Variants in OR5M3 observed in about 807,000 individuals in gnomAD.
The protein encoded by OR5M3 is olfactory receptor family 5 subfamily M member 3.
For missense variants in OR5M3, 384 were observed against 378.6 expected (o/e 1.01, Z -0.12); for synonymous variants, 129 against 131.3 (o/e 0.98, Z 0.12).
Position 56,469,310 on chromosome 11 carries a change from C to CA in OR5M3, c.*263_*264insT, listed in dbSNP as rs1853637433. 3.6e-6 allele frequency: 1 copy of CA among 275,996 alleles called. No homozygotes were observed. 17.1% of individuals were successfully genotyped at this position (275,996 alleles called of 1,614,324 possible). On this transcript the variant is annotated 3_prime_UTR_variant, in exon 2 of 2. Transcript: ENST00000641993. ...ATAAGAAAACGTCTTTTGGTTGCAG[C>CA]TATTTGAGCAATTTCCCTTAGTACA...
rs146798127 is a variant in OR5M3 at position 56,469,889 on chromosome 11, A to G, written c.609T>C (p.Ile203=). The G allele has an allele frequency of 2.6e-4, 411 of 1,606,738 alleles. 2 individuals carry two copies. The highest frequency in any genetic ancestry group is 1.4e-3 in the East Asian group (64 of 44,866). ...TTACAGTCAGGGAATATGTGAAGTT[A>G]ATGCCGGCAAGTATGATCATTGTAT... The part of the protein sequence containing the change: ...KEYTMIILAG[I]NFTYSLTVII... The change falls in exon 2 of 2, where the codon ATT becomes ATC. Residue 203 remains isoleucine (I), a synonymous_variant. Coordinates refer to ENST00000641993, the MANE Select transcript of OR5M3 (RefSeq NM_001004742.3).
Position 56,469,744 on chromosome 11 carries a change from T to A in OR5M3, c.754A>T (p.Thr252Ser), listed in dbSNP as rs761306810. The A allele has an allele frequency of 3.7e-6, 6 of 1,612,890 alleles. No homozygotes were observed. The South Asian group carries it at 6.6e-5, about 18-fold the overall frequency. ...CGTCTGAGATACATGAAGATCAGAG[T>A]ACCATAGAATATAATGACAGCTGTC... ...HLTAVIIFYG[T>S]LIFMYLRRPT... is the part of the protein sequence containing the mutation. The change falls in exon 2 of 2, where the codon ACT becomes TCT. Residue 252 changes from threonine to serine, a missense_variant. By Grantham distance (58) the Thr-to-Ser change is moderately conservative (BLOSUM62 1). Transcript: ENST00000641993.
chr11:56,472,351 G>T (rs756217975), intron 1 of OR5M3, among the ~76,000 whole-genome samples: 1 of 151,964 alleles, frequency 6.6e-6, no homozygotes, highest in Non-Finnish European at 1.5e-5. Flanking sequence ...ATATCCAAAC[G>T]GAGATTACAG....
rs1275227066 is a variant in OR5M3 at position 56,470,008 on chromosome 11, A to G, written c.490T>C (p.Leu164=). Residue 164 remains leucine, a synonymous_variant, in exon 2 of 2, where the codon TTG becomes CTG. Transcript: ENST00000641993. ...ATCTCAATTTTTCCACAGAAGTACA[A>G]GCCGTAAGTCCATAATGTTGCTGCC... is the stretch of plus-strand genomic sequence containing the variant. ...SLAATLWTYG[L]YFCGKIEINH... is the part of the protein sequence containing the mutation. 1.2e-6 allele frequency: 2 copies of G among 1,613,596 alleles called. No individual in the cohort carries two copies. Among genetic ancestry groups the G allele is most frequent in the Admixed American group, 1.7e-5 (1 of 59,954 alleles).
At position 56,469,852 on chromosome 11, in the gene OR5M3, A is replaced by T; in HGVS notation, c.646T>A (p.Tyr216Asn). ...TYSLTVIIIS[Y>N]LFILIAILRM... The stretch of plus-strand genomic sequence containing the variant: ...AGAATGGCAATGAGGATGAATAAGT[A>T]AGAGATGATAATTACAGTCAGGGAA... The change falls in exon 2 of 2, where the codon TAC (tyrosine) becomes AAC (asparagine). Residue 216 changes from tyrosine to asparagine, a missense_variant. Tyr to Asn is a moderately radical substitution (Grantham distance 143). Coordinates refer to ENST00000641993, the MANE Select transcript of OR5M3 (RefSeq NM_001004742.3). 6.2e-7 allele frequency: 1 copy of T among 1,612,952 alleles called. No homozygotes were observed. The highest frequency in any genetic ancestry group is 8.5e-7 in the Non-Finnish European group (1 of 1,178,920).
intron 1 of OR5M3, among the ~76,000 whole-genome samples, chr11:56,472,303 G>A (rs1009506794): frequency 3.3e-5 from 5 of 152,018 alleles, no homozygotes; most frequent in Non-Finnish European, 7.4e-5. Flanking sequence ...TGTAAAATCT[G>A]TTACAGAGTT....
chr11:56,470,456 C>A lies in OR5M3; in HGVS notation c.42G>T (p.Gly14=). The stretch of plus-strand genomic sequence containing the variant: ...CTTGCCATTCTCGACGGCTCGTTAG[C>A]CCCAAAAGAATGAACTCTGTCACAT... The part of the protein sequence containing the change: ...FTDVTEFILL[G]LTSRREWQVL... Residue 14 remains glycine, a synonymous_variant, in exon 2 of 2, where the codon GGG becomes GGT. Coordinates refer to ENST00000641993, the MANE Select transcript of OR5M3 (RefSeq NM_001004742.3). The A allele has an allele frequency of 1.2e-6, 2 of 1,608,532 alleles. No individual in the cohort carries two copies. The highest frequency in any genetic ancestry group is 1.7e-6 in the Non-Finnish European group (2 of 1,177,726).
Position 56,470,473 on chromosome 11 carries a change from C to T in OR5M3, c.25G>A (p.Glu9Lys), listed in dbSNP as rs1244205488. 1.3e-6 allele frequency: 2 copies of T among 1,586,356 alleles called. No homozygotes were observed. Residue 9 changes from glutamate (E) to lysine (K), a missense_variant, in exon 2 of 2, where the codon GAG becomes AAG. Transcript: ENST00000641993. Reference protein sequence around the residue: MLNFTDVTEFILLGLTSRR... With the variant: MLNFTDVTKFILLGLTSRR... Reference sequence around the variant, plus strand: ...CTCGTTAGCCCCAAAAGAATGAACTCTGTCACATCGGTGAAATTGAGCATT... The same window carrying T: ...CTCGTTAGCCCCAAAAGAATGAACTTTGTCACATCGGTGAAATTGAGCATT...
chr11:56,470,851 G>T (rs1193225525), intron 1 of OR5M3, among the ~76,000 whole-genome samples: 2 of 151,854 alleles, frequency 1.3e-5, no homozygotes, highest in Non-Finnish European at 2.9e-5. Flanking sequence ...ATATTTTAAA[G>T]ATAATTACAA....
rs1853653454 is a variant in OR5M3, at chr11:56,470,281, A to G, written c.217T>C (p.Ser73Pro). The G allele has an allele frequency of 4.3e-6, 7 of 1,613,484 alleles. No homozygotes were observed. ...TCCAACATTTTAGGGGTGACATTGG[A>G]AGAAAACCACACATCAACAAATGAC... is the stretch of plus-strand genomic sequence containing the variant. ...HLSFVDVWFSSNVTPKMLENL... is the reference protein window; with the variant it reads ...HLSFVDVWFSPNVTPKMLENL... Residue 73 changes from serine to proline, a missense_variant, in exon 2 of 2, where the codon TCC becomes CCC. Physicochemically the swap from Ser to Pro is moderately conservative, Grantham distance 74 (BLOSUM62 -1). Coordinates refer to ENST00000641993, the MANE Select transcript of OR5M3 (RefSeq NM_001004742.3).
intron 1 of OR5M3, 91 bp from the exon 2 acceptor site, chr11:56,470,632 G>C: frequency 1.9e-6 from 1 of 528,426 alleles, no homozygotes. Context: ...AGCACACTTT[G>C]CATTCTTTTC....
intron 1 of OR5M3, among the ~76,000 whole-genome samples, chr11:56,471,047 C>CA (rs912269464): frequency 4.0e-5 from 6 of 150,874 alleles, no homozygotes; most frequent in Non-Finnish European, 5.9e-5. Context: ...AACTGAAGAA[C>CA]AAAAAAAAGA....
rs1030140217 is a variant in OR5M3 at position 56,469,328 on chromosome 11, T to G, written c.*246A>C. On this transcript the variant is annotated 3_prime_UTR_variant, in exon 2 of 2. Transcript: ENST00000641993. ...GTTGCAGCTATTTGAGCAATTTCCC[T>G]TAGTACACCTATGAACTTTGGCACA... The G allele has an allele frequency of 6.4e-6, 2 of 312,396 alleles. No individual in the cohort carries two copies. Among genetic ancestry groups the G allele is most frequent in the African/African-American group, 4.3e-5 (2 of 46,622 alleles). The allele number at this position is 312,396 out of a possible 1,614,324, so 19.4% of individuals were successfully genotyped here. A position where few individuals can be genotyped will look rare whatever the true frequency, so the allele number is the denominator to read the frequency against.
intron 1 of OR5M3, among the ~76,000 whole-genome samples, chr11:56,471,130 G>T (rs964041620): frequency 6.6e-6 from 1 of 151,796 alleles, no homozygotes; most frequent in Non-Finnish European, 1.5e-5. Context: ...ACATTTCCTG[G>T]ATATGGACTC....
rs942539310 is a variant in OR5M3, at chr11:56,470,552, A to G, written c.-44-11T>C. ...AAAACTTTTTGATAACTAAAATAAAATAAAGGAAATATTAGAATATTTATT... is the reference window on the plus strand; with the variant it reads ...AAAACTTTTTGATAACTAAAATAAAGTAAAGGAAATATTAGAATATTTATT... On this transcript the variant is annotated splice_polypyrimidine_tract_variant and intron_variant, in intron 1 of 1. Coordinates refer to ENST00000641993, the MANE Select transcript of OR5M3 (RefSeq NM_001004742.3). The G allele has an allele frequency of 5.4e-6, 5 of 929,106 alleles. No homozygotes were observed. Among genetic ancestry groups the G allele is most frequent in the African/African-American group, 1.7e-5 (1 of 59,330 alleles). The allele number at this position is 929,106 out of a possible 1,614,324, so 57.6% of individuals were successfully genotyped here.
rs1401009743 is a variant in OR5M3, at chr11:56,469,696, G to C, written c.802C>G (p.Gln268Glu). 6.2e-7 allele frequency: 1 copy of C among 1,605,898 alleles called. No individual in the cohort carries two copies. The highest frequency in any genetic ancestry group is 8.5e-7 in the Non-Finnish European group (1 of 1,173,688). The change falls in exon 2 of 2, where the codon CAG becomes GAG. Residue 268 changes from glutamine to glutamate, a missense_variant. Transcript: ENST00000641993. Reference protein sequence around the residue: ...LRRPTEESVEQGKMVAVFYTT... With the variant: ...LRRPTEESVEEGKMVAVFYTT... ...TAGAACACAGCCACCATCTTCCCCT[G>C]CTCCACAGACTCCTCTGTGGGACGT...
At position 56,469,694 on chromosome 11, in the gene OR5M3, C is replaced by T. The variant is rs1451896178; in HGVS notation, c.804G>A (p.Gln268=). The T allele has an allele frequency of 1.2e-6, 2 of 1,606,008 alleles. No individual in the cohort carries two copies. The highest frequency in any genetic ancestry group is 8.5e-7 in the Non-Finnish European group (1 of 1,173,844). The change falls in exon 2 of 2, where the codon CAG becomes CAA. Residue 268 remains glutamine (Q), a synonymous_variant. Transcript: ENST00000641993. ...LRRPTEESVE[Q]GKMVAVFYTT... is the part of the protein sequence containing the mutation. ...TATAGAACACAGCCACCATCTTCCC[C>T]TGCTCCACAGACTCCTCTGTGGGAC...
In OR5M3 at chr11:56,469,538, G is replaced by A. The variant is rs1413722802; in HGVS notation, c.*36C>T. Reference sequence around the variant, plus strand: ...ATAAACTTTTTCCAAACAAATAATAGAAGATAAAATTAAATCAAATTTGAT... The same window carrying A: ...ATAAACTTTTTCCAAACAAATAATAAAAGATAAAATTAAATCAAATTTGAT... On this transcript the variant is annotated 3_prime_UTR_variant, in exon 2 of 2. Transcript: ENST00000641993. The A allele has an allele frequency of 7.5e-7, 1 of 1,333,946 alleles. No individual in the cohort carries two copies. The highest frequency in any genetic ancestry group is 1.0e-6 in the Non-Finnish European group (1 of 979,830). 82.6% of individuals were successfully genotyped at this position (1,333,946 alleles called of 1,614,324 possible).
In OR5M3 at chr11:56,469,635, T is replaced by C. The variant is rs770587151; in HGVS notation, c.863A>G (p.Tyr288Cys). ...TTTCACATCCTTGTTCCTCAGACTG[T>C]AGATCATGGGATTCAACATGGGGAT... ...TVIPMLNPMI[Y>C]SLRNKDVKKA... Residue 288 changes from tyrosine to cysteine, a missense_variant, in exon 2 of 2, where the codon TAC becomes TGC. Physicochemically the swap from Tyr to Cys is radical, Grantham distance 194. Transcript: ENST00000641993. The C allele has an allele frequency of 6.5e-7, 1 of 1,547,414 alleles. No homozygotes were observed. The highest frequency in any genetic ancestry group is 8.8e-7 in the Non-Finnish European group (1 of 1,137,936).
Sources: gnomAD v4.1 joint callset for allele counts (sites outside exome capture counted in the v4.1 genomes callset) on GRCh38, gnomAD v4.1.1 for gene constraint, MANE v1.5 for transcripts, NCBI Gene and HGNC (gene_info 2026-07-23, HGNC 2026-07-21) for gene names.